The following DIAPH2 variants were observed in gnomAD, a reference collection of about 807,000 sequenced individuals.
DIAPH2 encodes the protein diaphanous related formin 2.
A neutral mutation model predicts 92.7 loss-of-function variants in DIAPH2; 35 were observed. The observed-to-expected ratio is 0.38, with a 90% CI of 0.29 to 0.50. The LOEUF is 0.50. Ranked by LOEUF, DIAPH2 falls within the 20% of genes least tolerant of loss-of-function variation. The pLI is 0.94. For missense variants in DIAPH2, 701 were observed against 819.5 expected (o/e 0.86, Z 1.77); for synonymous variants, 301 against 280.4 (o/e 1.07, Z -0.73).
chrX:97,128,112 G>T (rs2147392959), intron 21 of DIAPH2, among the ~76,000 whole-genome samples: 1 of 111,741 alleles, frequency 8.9e-6, no homozygotes, highest in Admixed American at 9.5e-5. Context: ...TATTAAGAAA[G>T]TAAAAGAATA....
intron 24 of DIAPH2, among the ~76,000 whole-genome samples, chrX:97,374,071 A>G (rs1195025828): frequency 9.1e-6 from 1 of 109,718 alleles, no homozygotes; most frequent in African/African-American, 3.3e-5. Flanking sequence ...TTTTTTTTCA[A>G]CTATGAGTAG....
chrX:96,722,491 G>A (rs1330699323), intron 1 of DIAPH2, among the ~76,000 whole-genome samples: 1 of 111,137 alleles, frequency 9.0e-6, no homozygotes, highest in Non-Finnish European at 1.9e-5. Context: ...CTGCAGCAGT[G>A]TAGGCAAACC....
At chrX:96,855,571 GATATAA>G (rs1331569528) in intron 4 of DIAPH2, among the ~76,000 whole-genome samples, 6 of 108,388 alleles carry the variant, frequency 5.5e-5, no homozygotes, top group South Asian at 3.8e-4. Flanking sequence ...TATAGATATA[GATATAA>G]ATATAAATAT....
At chrX:96,937,163 GC>G in intron 10 of DIAPH2, 69 bp from the exon 11 acceptor site, 1 of 487,558 alleles carries the variant, frequency 2.1e-6, no homozygotes, top group Non-Finnish European at 3.2e-6. Context: ...ATTGTGTTCT[GC>G]CCTTTATTAC....
intron 1 of DIAPH2, among the ~76,000 whole-genome samples, chrX:96,693,242 C>G (rs890706091): frequency 3.6e-5 from 4 of 112,336 alleles, no homozygotes; most frequent in African/African-American, 1.3e-4. Flanking sequence ...TGTCTCCACT[C>G]TGCAACTTCT....
intron 17 of DIAPH2, among the ~76,000 whole-genome samples, chrX:97,061,447 T>G: frequency 8.9e-6 from 1 of 111,915 alleles, no homozygotes; most frequent in Middle Eastern, 4.6e-3. Flanking sequence ...ATATTCCAAG[T>G]CTTTGCCTGC....
chrX:96,974,440 T>C (rs962098647), intron 17 of DIAPH2, among the ~76,000 whole-genome samples: 1 of 111,474 alleles, frequency 9.0e-6, no homozygotes, highest in South Asian at 3.8e-4. Flanking sequence ...CTAGGTAAGA[T>C]ATGATGATAT....
intron 8 of DIAPH2, among the ~76,000 whole-genome samples, chrX:96,917,648 C>T (rs1010550349): frequency 9.0e-6 from 1 of 110,883 alleles, no homozygotes; most frequent in Admixed American, 9.6e-5. Flanking sequence ...GAGTAGTATA[C>T]TATATAGAGA....
At chrX:97,200,462 A>T (rs1190252484) in intron 22 of DIAPH2, among the ~76,000 whole-genome samples, 4 of 3,287 alleles carry the variant, frequency 1.2e-3, no homozygotes, top group Non-Finnish European at 4.6e-3. Flanking sequence ...TGGGATGATC[A>T]AGCTTGGTGA....
intron 24 of DIAPH2, among the ~76,000 whole-genome samples, chrX:97,363,872 T>A (rs2147708689): frequency 9.0e-6 from 1 of 110,638 alleles, no homozygotes; most frequent in Admixed American, 9.7e-5. Context: ...GTGCCAAAAA[T>A]ATGAAAAATT....
chrX:97,416,562 A>G (rs148174485), intron 25 of DIAPH2, among the ~76,000 whole-genome samples: 1,386 of 112,055 alleles, frequency 0.012, 24 homozygotes, highest in African/African-American at 0.042. Flanking sequence ...AGATACTAAG[A>G]GTTAGGTGTA....
intron 21 of DIAPH2, among the ~76,000 whole-genome samples, chrX:97,116,329 G>C (rs745635974): frequency 1.9e-4 from 21 of 111,978 alleles, no homozygotes; most frequent in African/African-American, 5.8e-4. Context: ...AAGAGAACAA[G>C]GAAAATACAG....
chrX:97,585,105 G>GTA (rs1425497656), intron 26 of DIAPH2, among the ~76,000 whole-genome samples: 3 of 111,587 alleles, frequency 2.7e-5, no homozygotes, highest in Non-Finnish European at 5.6e-5. Flanking sequence ...AAGCCTTTTT[G>GTA]TATATCAGTG....
intron 5 of DIAPH2, among the ~76,000 whole-genome samples, chrX:96,899,211 C>T (rs1166725168): frequency 9.3e-6 from 1 of 107,350 alleles, no homozygotes; most frequent in Non-Finnish European, 1.9e-5. Context: ...GCGATGTGGG[C>T]TCTTTTTTGG....
intron 23 of DIAPH2, among the ~76,000 whole-genome samples, chrX:97,267,643 A>G (rs2068348639): frequency 1.8e-5 from 2 of 111,822 alleles, no homozygotes; most frequent in Non-Finnish European, 3.8e-5. Flanking sequence ...TTCTGAAACT[A>G]CTTGTCCTCA....
chrX:97,309,269 T>C (rs958658697), intron 23 of DIAPH2, among the ~76,000 whole-genome samples: 1 of 109,431 alleles, frequency 9.1e-6, no homozygotes, highest in African/African-American at 3.3e-5. Context: ...TGGCTATTTT[T>C]TATATTTTTA....
intron 3 of DIAPH2, among the ~76,000 whole-genome samples, chrX:96,742,461 C>A (rs889645334): frequency 9.0e-6 from 1 of 111,362 alleles, no homozygotes. Context: ...CCTCAAATCT[C>A]CACCATGGTT....
At chrX:97,009,497 G>A (rs761138695) in intron 17 of DIAPH2, among the ~76,000 whole-genome samples, 1 of 111,882 alleles carries the variant, frequency 8.9e-6, no homozygotes, top group Non-Finnish European at 1.9e-5. Context: ...CAAAACTAGT[G>A]TCTCCCTGTA....
At chrX:97,514,205 G>A (rs1270429023) in intron 26 of DIAPH2, among the ~76,000 whole-genome samples, 11 of 111,478 alleles carry the variant, frequency 9.9e-5, no homozygotes, top group Admixed American at 5.7e-4. Flanking sequence ...GGCTTTGCTC[G>A]TTTCTTTTTA....
Sources: gnomAD v4.1 joint callset for allele counts (sites outside exome capture counted in the v4.1 genomes callset) on GRCh38, gnomAD v4.1.1 for gene constraint, MANE v1.5 for transcripts, NCBI Gene and HGNC (gene_info 2026-07-23, HGNC 2026-07-21) for gene names.